The following CADM2 variants were observed in gnomAD, a reference collection of about 807,000 sequenced individuals.
CADM2 encodes the protein immunoglobulin superfamily member 4D.
CADM2 carries 12 observed loss-of-function variants against 49.8 expected under a neutral mutation model. The ratio of observed to expected loss-of-function variants is 0.24; its 90% CI spans 0.15 to 0.39. The LOEUF (loss-of-function observed/expected upper bound fraction) is 0.39. Among genes scored for constraint, CADM2 ranks in the 10% least tolerant of loss-of-function variants. CADM2 has a pLI of 1.00. For synonymous variants in CADM2, 214 were observed against 175.4 expected (o/e 1.22, Z -1.74); for missense variants, 378 against 492.3 (o/e 0.77, Z 2.20).
chr3:85,554,738 T>G (rs1289208731), intron 1 of CADM2, among the ~76,000 whole-genome samples: 2 of 152,098 alleles, frequency 1.3e-5, no homozygotes, highest in African/African-American at 4.8e-5. Flanking sequence ...CTGTGTTGCC[T>G]AGGCTGGATT....
At chr3:85,244,342 G>C (rs886723415) in intron 1 of CADM2, among the ~76,000 whole-genome samples, 1 of 151,974 alleles carries the variant, frequency 6.6e-6, no homozygotes. Flanking sequence ...CACAGTAAAA[G>C]GTTTTAAAAT....
rs146275697 is a variant in CADM2 at position 85,581,911 on chromosome 3, T to TTTTTGTTTTG, written c.62-144586_62-144577dup. ...AACCATGCTATTTTATTTGAAGTGTTTTTTGTTTTGTTTTGTTTTGTTTTG... is the reference window on the plus strand; with the variant it reads ...AACCATGCTATTTTATTTGAAGTGTTTTTTGTTTTGTTTTGTTTTGTTTTGTTTTGTTTTG... On this transcript the variant is annotated intron_variant, in intron 1 of 9. Transcript: ENST00000383699. Among the ~76,000 whole-genome samples the TTTTTGTTTTG allele has an allele frequency of 2.1e-3, 323 of 150,292 alleles. 1 individual carries two copies. The highest frequency in any genetic ancestry group is 7.7e-3 in the African/African-American group (314 of 40,986).
At chr3:85,069,463 T>C (rs965822836) in intron 1 of CADM2, among the ~76,000 whole-genome samples, 7 of 152,166 alleles carry the variant, frequency 4.6e-5, no homozygotes, top group African/African-American at 1.7e-4. Flanking sequence ...CCAATTCAAA[T>C]GTTTTTTGGT....
chr3:85,755,451 C>G (rs979731246), intron 2 of CADM2, among the ~76,000 whole-genome samples: 8 of 150,986 alleles, frequency 5.3e-5, no homozygotes, highest in Non-Finnish European at 1.2e-4. Flanking sequence ...GTTCAACAAC[C>G]TGAAACCTCC....
chr3:85,969,391 G>A (rs997895202), intron 8 of CADM2, among the ~76,000 whole-genome samples: 4 of 151,156 alleles, frequency 2.6e-5, no homozygotes, highest in African/African-American at 9.7e-5. Context: ...CCTCTGCTTG[G>A]AATGCTTGTC....
chr3:85,431,091 A>G (rs763365269), intron 1 of CADM2, among the ~76,000 whole-genome samples: 7 of 152,168 alleles, frequency 4.6e-5, no homozygotes, highest in Non-Finnish European at 8.8e-5. Context: ...TTCTATGTTT[A>G]GATACACAAA....
chr3:85,576,451 T>TA (rs573467054), intron 1 of CADM2, among the ~76,000 whole-genome samples: 330 of 152,054 alleles, frequency 2.2e-3, no homozygotes, highest in Middle Eastern at 3.4e-3. Flanking sequence ...TCTGACAATT[T>TA]AAAAAAAATG....
At chr3:86,014,334 C>A in intron 8 of CADM2, 4 of 1,386,720 alleles carry the variant, frequency 2.9e-6, no homozygotes, top group South Asian at 1.7e-5. Context: ...TGGGGAAAAT[C>A]TCCAGGGGCA....
chr3:85,165,922 A>G (rs2040459762), intron 1 of CADM2, among the ~76,000 whole-genome samples: 1 of 151,736 alleles, frequency 6.6e-6, no homozygotes. Flanking sequence ...TATATTATAA[A>G]ATAAAGAAAA....
chr3:85,678,970 C>A, intron 1 of CADM2, among the ~76,000 whole-genome samples: 1 of 151,992 alleles, frequency 6.6e-6, no homozygotes, highest in East Asian at 1.9e-4. Context: ...GATTATCTGG[C>A]AATACATGTC....
intron 1 of CADM2, among the ~76,000 whole-genome samples, chr3:85,062,130 C>T (rs2036353973): frequency 6.6e-6 from 1 of 150,916 alleles, no homozygotes; most frequent in South Asian, 2.1e-4. Context: ...ACTCTATATC[C>T]AAACTCTTGC....
At chr3:85,994,849 A>C (rs1481851227) in intron 8 of CADM2, 1 of 152,118 alleles carries the variant, frequency 6.6e-6, no homozygotes, top group African/African-American at 2.4e-5. Context: ...GAAACATCAA[A>C]GATTATTGAT....
chr3:85,601,249 G>T (rs1322881596), intron 1 of CADM2, among the ~76,000 whole-genome samples: 1 of 146,794 alleles, frequency 6.8e-6, no homozygotes, highest in Non-Finnish European at 1.5e-5. Flanking sequence ...GATGATGTTT[G>T]CTATAGTGAA....
chr3:85,421,674 T>C (rs1435441708), intron 1 of CADM2, among the ~76,000 whole-genome samples: 1 of 152,234 alleles, frequency 6.6e-6, no homozygotes, highest in Non-Finnish European at 1.5e-5. Flanking sequence ...GCTTTGCTGA[T>C]ATGTACAGTA....
At chr3:85,500,690 T>C (rs1414201870) in intron 1 of CADM2, among the ~76,000 whole-genome samples, 2 of 151,992 alleles carry the variant, frequency 1.3e-5, no homozygotes, top group Non-Finnish European at 2.9e-5. Flanking sequence ...GCTGATTTTT[T>C]GTATTTTTAG....
intron 1 of CADM2, among the ~76,000 whole-genome samples, chr3:85,149,173 G>A (rs1015773271): frequency 4.6e-5 from 7 of 151,798 alleles, no homozygotes; most frequent in African/African-American, 1.7e-4. Context: ...AGGTTGCCAT[G>A]GTTTGACTGT....
At chr3:86,032,772 A>T (rs1734705663) in intron 8 of CADM2, among the ~76,000 whole-genome samples, 1 of 151,984 alleles carries the variant, frequency 6.6e-6, no homozygotes, top group Non-Finnish European at 1.5e-5. Flanking sequence ...CTGAGGAATT[A>T]AACCTCCTCA....
At chr3:85,831,901 C>T (rs1350619794) in intron 3 of CADM2, among the ~76,000 whole-genome samples, 1 of 151,894 alleles carries the variant, frequency 6.6e-6, no homozygotes, top group Non-Finnish European at 1.5e-5. Context: ...TTTGCCAAGG[C>T]TGATCTCCAG....
intron 1 of CADM2, among the ~76,000 whole-genome samples, chr3:85,279,187 T>A (rs1292042402): frequency 6.6e-6 from 1 of 151,344 alleles, no homozygotes; most frequent in East Asian, 1.9e-4. Context: ...TGCCACAGAG[T>A]CCCTGTAGCT....
Sources: gnomAD v4.1 joint callset for allele counts (sites outside exome capture counted in the v4.1 genomes callset) on GRCh38, gnomAD v4.1.1 for gene constraint, MANE v1.5 for transcripts, NCBI Gene and HGNC (gene_info 2026-07-23, HGNC 2026-07-21) for gene names.